Variants in ADRA1A observed in about 807,000 individuals in gnomAD.
The protein encoded by ADRA1A is alpha-1A adrenergic receptor.
In ADRA1A, 31 loss-of-function variants were observed where a neutral mutation model predicts 29.6. The ratio of observed to expected loss-of-function variants is 1.05; its 90% CI spans 0.79 to 1.41. The LOEUF (loss-of-function observed/expected upper bound fraction) is 1.41, where lower values mean the gene tolerates loss of function less well. Ranked by LOEUF, ADRA1A falls within the 40% of genes most tolerant of loss-of-function variation. The pLI is 0.00. For missense variants in ADRA1A, 619 were observed against 601.1 expected, an observed-to-expected ratio of 1.03 and a Z score of -0.31; for synonymous variants, 311 against 254.3, an observed-to-expected ratio of 1.22 and a Z score of -2.12.
chr8:26,820,541 A>G (rs1810087483), intron 2 of ADRA1A, among the ~76,000 whole-genome samples: 1 of 152,186 alleles, frequency 6.6e-6, no homozygotes, highest in African/African-American at 2.4e-5. Context: ...TAGTACAGCC[A>G]TTCTCTTCTC....
In ADRA1A at chr8:26,864,110, G is replaced by A; in HGVS notation, c.860C>T (p.Pro287Leu). 1 of 1,613,800 alleles carries A rather than the reference G, an allele frequency of 6.2e-7. No homozygotes were observed. The highest frequency in any genetic ancestry group is 1.1e-5 in the South Asian group (1 of 91,044). Residue 287 changes from proline to leucine, a missense_variant, in exon 2 of 3, where the codon CCT (proline) becomes CTT (leucine). Physicochemically the swap from Pro to Leu is moderately conservative, Grantham distance 98. Coordinates refer to ENST00000380573, the MANE Select transcript of ADRA1A (RefSeq NM_000680.4). The surrounding 1 kb of genome is among the most constrained non-coding windows in gnomAD (Gnocchi z 8.1). ...ACCAATGGGCATGACTAAGAAAAAA[G>A]GCAGCCAGCAGAGGACGAAGCAGCC... ...VVGCFVLCWL[P>L]FFLVMPIGSF...
Position 26,770,608 on chromosome 8 carries a change from G to T in ADRA1A, c.942C>A (p.Leu314=). 1.2e-6 allele frequency: 2 copies of T among 1,614,112 alleles called. No individual in the cohort carries two copies. Among genetic ancestry groups the T allele is most frequent in the East Asian group, 2.2e-5 (1 of 44,890 alleles). ...SETVFKIVFW[L]GYLNSCINPI... ...GGTTGATGCAGCTGTTTAGATATCC[G>T]AGCCAAAATACTATTTTAAAAACTG... is the stretch of plus-strand genomic sequence containing the variant. Residue 314 remains leucine, a synonymous_variant, in exon 3 of 3, where the codon CTC becomes CTA. Coordinates refer to ENST00000380573, the MANE Select transcript of ADRA1A (RefSeq NM_000680.4).
chr8:26,853,265 A>G (rs940067483), intron 2 of ADRA1A, among the ~76,000 whole-genome samples: 6 of 152,190 alleles, frequency 3.9e-5, no homozygotes, highest in African/African-American at 1.4e-4. Flanking sequence ...TCAAAGCAGC[A>G]TTTCCCAACA....
intron 2 of ADRA1A, among the ~76,000 whole-genome samples, chr8:26,782,157 C>A (rs1442664743): frequency 1.3e-5 from 2 of 152,194 alleles, no homozygotes; most frequent in African/African-American, 4.8e-5. Context: ...CAGCTCCCTC[C>A]CCTGCCTGGA....
At chr8:26,832,117 C>T (rs978776205) in intron 2 of ADRA1A, among the ~76,000 whole-genome samples, 45 of 152,174 alleles carry the variant, frequency 3.0e-4, no homozygotes, top group East Asian at 1.7e-3. Flanking sequence ...CGGTTTGCAG[C>T]GAGAAATGTT....
chr8:26,850,500 T>C (rs1812548976), intron 2 of ADRA1A, among the ~76,000 whole-genome samples: 1 of 151,924 alleles, frequency 6.6e-6, no homozygotes, highest in Middle Eastern at 3.4e-3. Context: ...ATATCTTTTT[T>C]GTTGTTGTTG....
At chr8:26,802,187 C>G (rs1467593350) in intron 2 of ADRA1A, among the ~76,000 whole-genome samples, 1 of 151,934 alleles carries the variant, frequency 6.6e-6, no homozygotes, top group Non-Finnish European at 1.5e-5. Context: ...AGTAATATCC[C>G]AAAGCACAGG....
At chr8:26,777,163 C>T (rs1322851053) in intron 2 of ADRA1A, among the ~76,000 whole-genome samples, 5 of 152,186 alleles carry the variant, frequency 3.3e-5, no homozygotes, top group African/African-American at 9.7e-5. Flanking sequence ...TTATGTGGGG[C>T]CACTTGGGCA....
At chr8:26,837,253 T>C (rs1811446787) in intron 2 of ADRA1A, among the ~76,000 whole-genome samples, 2 of 152,234 alleles carry the variant, frequency 1.3e-5, no homozygotes, top group African/African-American at 4.8e-5. Context: ...ACATTGATTA[T>C]GTGGGATAAA....
chr8:26,842,866 TACACACACACACACACACAC>T (rs57750998), intron 2 of ADRA1A, among the ~76,000 whole-genome samples: 4 of 142,648 alleles, frequency 2.8e-5, no homozygotes, highest in Admixed American at 7.1e-5. Flanking sequence ...TCTCTCTTTC[TACACACACACACACACACAC>T]ACACACACAC....
intron 2 of ADRA1A, among the ~76,000 whole-genome samples, chr8:26,812,696 A>T (rs12674980): frequency 4.2e-4 from 63 of 150,806 alleles, no homozygotes; most frequent in African/African-American, 1.2e-3. Flanking sequence ...ATGGGGTCTC[A>T]CTCTGTCACC....
At chr8:26,842,683 C>G (rs1162914737) in intron 2 of ADRA1A, among the ~76,000 whole-genome samples, 1 of 152,118 alleles carries the variant, frequency 6.6e-6, no homozygotes, top group Non-Finnish European at 1.5e-5. Context: ...CTGCCTCAAA[C>G]CCCCAGTGGC....
chr8:26,792,538 A>G (rs1223259238), intron 2 of ADRA1A, among the ~76,000 whole-genome samples: 1 of 150,746 alleles, frequency 6.6e-6, no homozygotes, highest in Non-Finnish European at 1.5e-5. Flanking sequence ...TTAGTAGCAC[A>G]AAGAAGACCT....
rs922289079 is a variant in ADRA1A at position 26,823,583 on chromosome 8, G to A, written c.883+40504C>T. Among the ~76,000 whole-genome samples the A allele has an allele frequency of 2.6e-5, 4 of 152,206 alleles. No individual in the cohort carries two copies. The highest frequency in any genetic ancestry group is 9.7e-5 in the African/African-American group (4 of 41,448). On this transcript the variant is annotated intron_variant, in intron 2 of 2. Coordinates refer to ENST00000380573, the MANE Select transcript of ADRA1A (RefSeq NM_000680.4). This position sits in a 1 kb window ranked among gnomAD's most constrained non-coding sequence, Gnocchi z 4.2. ...ACTGGTTCGGGGAGCGCTGGGCTAAGGATCAGGCTGCTTGGGCTATCAACA... is the reference window on the plus strand; with the variant it reads ...ACTGGTTCGGGGAGCGCTGGGCTAAAGATCAGGCTGCTTGGGCTATCAACA...
At position 26,866,187 on chromosome 8, in the gene ADRA1A, G is replaced by T. The variant is rs1292556555; in HGVS notation, c.-686-532C>A. ...GCTCACTCTCACGCCGGTGGAATTCGCACTCGGGTGTGCAGAGCGCACCGG... is the reference window on the plus strand; with the variant it reads ...GCTCACTCTCACGCCGGTGGAATTCTCACTCGGGTGTGCAGAGCGCACCGG... On this transcript the variant is annotated intron_variant, in intron 1 of 2. Coordinates refer to ENST00000380573, the MANE Select transcript of ADRA1A (RefSeq NM_000680.4). The surrounding 1 kb of genome is among the most constrained non-coding windows in gnomAD (Gnocchi z 5.7). Among the ~76,000 whole-genome samples the T allele has an allele frequency of 6.6e-6, 1 of 152,166 alleles. No individual in the cohort carries two copies. The highest frequency in any genetic ancestry group is 2.4e-5 in the African/African-American group (1 of 41,448).
rs139258917 is a variant in ADRA1A at position 26,805,872 on chromosome 8, C to T, written c.884-35206G>A. ...TATTAACAGAGCCAAAGCCAAGTGACGTTGGCCCTTGATAAAGACACAGCT... is the reference window on the plus strand; with the variant it reads ...TATTAACAGAGCCAAAGCCAAGTGATGTTGGCCCTTGATAAAGACACAGCT... On this transcript the variant is annotated intron_variant, in intron 2 of 2. Transcript: ENST00000380573. This position sits in a 1 kb window ranked among gnomAD's most constrained non-coding sequence, Gnocchi z 4.8. Among the ~76,000 whole-genome samples the T allele has an allele frequency of 2.8e-3, 424 of 152,258 alleles. 8 individuals are homozygous for T. The highest frequency in any genetic ancestry group is 0.023 in the Admixed American group (358 of 15,292).
At chr8:26,751,587 T>C (rs954043968), downstream of ADRA1A, among the ~76,000 whole-genome samples, 1 of 152,214 alleles carries the variant, frequency 6.6e-6, no homozygotes, top group African/African-American at 2.4e-5. Flanking sequence ...GTAAGTGCTA[T>C]GTAATGACCA....
At position 26,823,474 on chromosome 8, in the gene ADRA1A, G is replaced by A. The variant is rs1810324728; in HGVS notation, c.883+40613C>T. Among the ~76,000 whole-genome samples the A allele has an allele frequency of 6.6e-6, 1 of 152,180 alleles. No homozygotes were observed. Among genetic ancestry groups the A allele is most frequent in the African/African-American group, 2.4e-5 (1 of 41,444 alleles). Reference sequence around the variant, plus strand: ...CTAGAGAAAGCAGAGGTGTTTCATTGACAGGTAATTATTGTTCTCTCATAA... The same window carrying A: ...CTAGAGAAAGCAGAGGTGTTTCATTAACAGGTAATTATTGTTCTCTCATAA... On this transcript the variant is annotated intron_variant, in intron 2 of 2. Coordinates refer to ENST00000380573, the MANE Select transcript of ADRA1A (RefSeq NM_000680.4). This position sits in a 1 kb window ranked among gnomAD's most constrained non-coding sequence, Gnocchi z 4.2.
intron 2 of ADRA1A, among the ~76,000 whole-genome samples, chr8:26,793,106 T>C (rs564986241): frequency 6.6e-6 from 1 of 152,040 alleles, no homozygotes; most frequent in Admixed American, 6.6e-5. Context: ...AAGCATTTCA[T>C]GGAATAGACA....
Sources: allele counts gnomAD v4.1 joint callset (sites outside exome capture counted in the v4.1 genomes callset), GRCh38; gene constraint gnomAD v4.1.1; non-coding constraint Gnocchi (gnomAD v3.1); transcripts MANE v1.5; gene names NCBI Gene and HGNC (gene_info 2026-07-23, HGNC 2026-07-21).